LAMP3: variants seen among roughly 807,000 people sequenced by gnomAD.
LAMP3 encodes lysosome associated membrane protein 3, also known as lysosome-associated membrane glycoprotein 3.
LAMP3 carries 26 observed loss-of-function variants against 34.8 expected under a neutral mutation model. That is an observed-to-expected ratio of 0.75 (90% CI 0.55 to 1.04). LAMP3 has a LOEUF of 1.04. Ranked by LOEUF, LAMP3 falls within the 50% of genes least tolerant of loss-of-function variation. LAMP3 has a pLI of 0.00. For missense variants in LAMP3, 495 were observed against 524.0 expected (o/e 0.94, Z 0.54); for synonymous variants, 180 against 201.9 (o/e 0.89, Z 0.92).
chr3:183,139,376 C>T (rs113389121), intron 4 of LAMP3, among the ~76,000 whole-genome samples: 5 of 143,352 alleles, frequency 3.5e-5, no homozygotes, highest in East Asian at 2.0e-4. Flanking sequence ...GGCGACAGAG[C>T]GAGACTGTCT....
chr3:183,151,322 G>A (rs1164429454), intron 3 of LAMP3, among the ~76,000 whole-genome samples: 1 of 152,094 alleles, frequency 6.6e-6, no homozygotes, highest in Non-Finnish European at 1.5e-5. Context: ...GGAGTGGGAT[G>A]ACCAGCCCCC....
At position 183,123,625 on chromosome 3, in the gene LAMP3, A is replaced by G. The variant is rs1719718128; in HGVS notation, c.*456T>C. 1 of 163,148 alleles carries G rather than the reference A, an allele frequency of 6.1e-6. No homozygotes were observed. The highest frequency in any genetic ancestry group is 1.3e-5 in the Non-Finnish European group (1 of 74,526). The allele number at this position is 163,148 out of a possible 1,614,324, so 10.1% of individuals were successfully genotyped here. A position where few individuals can be genotyped will look rare whatever the true frequency, so the allele number is the denominator to read the frequency against. The stretch of plus-strand genomic sequence containing the variant: ...GCTACACCAGGAATATGTATGTTAC[A>G]TGAAACCATAAAACACAGATAGTAA... On this transcript the variant is annotated 3_prime_UTR_variant, in exon 6 of 6. Coordinates refer to ENST00000265598, the MANE Select transcript of LAMP3 (RefSeq NM_014398.4).
At position 183,154,315 on chromosome 3, in the gene LAMP3, T is replaced by A. The variant is rs983131567; in HGVS notation, c.126A>T (p.Ala42=). 6.2e-7 allele frequency: 1 copy of A among 1,613,990 alleles called. No homozygotes were observed. Among genetic ancestry groups the A allele is most frequent in the African/African-American group, 1.3e-5 (1 of 74,904 alleles). The change falls in exon 2 of 6, where the codon GCA becomes GCT. Residue 42 remains alanine (A), a synonymous_variant. Transcript: ENST00000265598. ...GTTTTTTTATGTCCTGTACTGTTGCTGCTGCAGTAGGTTGAGAATAATCTC... is the reference window on the plus strand; with the variant it reads ...GTTTTTTTATGTCCTGTACTGTTGCAGCTGCAGTAGGTTGAGAATAATCTC... ...ETRDYSQPTA[A]ATVQDIKKPV...
At position 183,135,866 on chromosome 3, in the gene LAMP3, T is replaced by G. The variant is rs34675146; in HGVS notation, c.968A>C (p.Lys323Thr). 259 of 1,613,976 alleles carry G rather than the reference T, an allele frequency of 1.6e-4. No individual in the cohort carries two copies. The African/African-American group carries it at 3.0e-3, about 19-fold the overall frequency. The change falls in exon 5 of 6, where the codon AAA becomes ACA. Residue 323 changes from lysine to threonine, a missense_variant. By Grantham distance (78) the Lys-to-Thr change is moderately conservative. Coordinates refer to ENST00000265598, the MANE Select transcript of LAMP3 (RefSeq NM_014398.4). ...TGTCTGGAACATCACCACCGCATGT[T>G]TGATTCCTTGGTAAATTGTCTCTGA... ...SDPETIYQGIKHAVVMFQTAV... is the reference protein window; with the variant it reads ...SDPETIYQGITHAVVMFQTAV...
In LAMP3 at chr3:183,156,946, G is replaced by C. The variant is rs577517694; in HGVS notation, c.50-2555C>G. 2.6e-5 allele frequency among the ~76,000 whole-genome samples: 4 copies of C among 152,316 alleles called. No homozygotes were observed. The South Asian group carries it at 8.3e-4, about 32-fold the overall frequency. The stretch of plus-strand genomic sequence containing the variant: ...AATGGTGAGAGAAGACACAAAAGCA[G>C]AGGAGAGAGGAACAGGAGGGTGCCC... On this transcript the variant is annotated intron_variant, in intron 1 of 5. Coordinates refer to ENST00000265598, the MANE Select transcript of LAMP3 (RefSeq NM_014398.4).
At chr3:183,162,970 CT>C, upstream of LAMP3, 1 of 327,228 alleles carries the variant, frequency 3.1e-6, no homozygotes, top group Non-Finnish European at 5.6e-6. Context: ...TTTTTCTTTT[CT>C]TTTTGAGACG....
In LAMP3 at chr3:183,149,559, AAAAAAAAAAAAAAAAATATATATATATAT is replaced by A. The variant is rs1288132776; in HGVS notation, c.888+2787_888+2815del. Among the ~76,000 whole-genome samples the A allele has an allele frequency of 1.5e-3, 40 of 27,204 alleles. No individual in the cohort carries two copies. In the Middle Eastern group the frequency reaches 0.034, roughly 23 times the overall value. The allele number at this position is 27,204 out of a possible 152,430, so 17.8% of individuals were successfully genotyped here. ...GACTCCAACTCAAAAAAAAAAAAAA[AAAAAAAAAAAAAAAAATATATATATATAT>A]ATATATATATATATATATGTATACA... On this transcript the variant is annotated intron_variant, in intron 3 of 5. Coordinates refer to ENST00000265598, the MANE Select transcript of LAMP3 (RefSeq NM_014398.4).
chr3:183,127,765 G>GGAA (rs1719816591), intron 5 of LAMP3, among the ~76,000 whole-genome samples: 2 of 152,104 alleles, frequency 1.3e-5, no homozygotes, highest in Admixed American at 1.3e-4. Flanking sequence ...AACAATCTTT[G>GGAA]ACCTTGATCC....
intron 5 of LAMP3, among the ~76,000 whole-genome samples, chr3:183,126,055 TG>T (rs1437420732): frequency 6.6e-6 from 1 of 152,172 alleles, no homozygotes; most frequent in Non-Finnish European, 1.5e-5. Flanking sequence ...CAAAATGTAA[TG>T]CACACACCTG....
At chr3:183,144,579 T>C (rs908163644) in intron 3 of LAMP3, among the ~76,000 whole-genome samples, 1 of 152,112 alleles carries the variant, frequency 6.6e-6, no homozygotes, top group Non-Finnish European at 1.5e-5. Context: ...GCATGGAAAG[T>C]ACAGATCACT....
rs1482816724 is a variant in LAMP3, at chr3:183,132,823, G to GCGTT, written c.1117+2890_1117+2893dup. The GCGTT allele has an allele frequency of 3.0e-6, 3 of 985,428 alleles. No homozygotes were observed. In the Admixed American group the frequency reaches 1.8e-4, roughly 61 times the overall value. 61.0% of individuals were successfully genotyped at this position (985,428 alleles called of 1,614,324 possible). A position where few individuals can be genotyped will look rare whatever the true frequency, so the allele number is the denominator to read the frequency against. On this transcript the variant is annotated intron_variant, in intron 5 of 5. Transcript: ENST00000265598. ...TTTTGAAGAAAGTGGGGCTTTACAT[G>GCGTT]CGTTCATATCCTCTACTGGGCCTCT...
chr3:183,131,339 A>G (rs1719912868), intron 5 of LAMP3, among the ~76,000 whole-genome samples: 1 of 152,200 alleles, frequency 6.6e-6, no homozygotes, highest in African/African-American at 2.4e-5. Context: ...GTGAATAAAC[A>G]CCTTGTCCTC....
intron 3 of LAMP3, among the ~76,000 whole-genome samples, chr3:183,145,772 A>C (rs1395584791): frequency 6.6e-6 from 1 of 152,134 alleles, no homozygotes; most frequent in Non-Finnish European, 1.5e-5. Context: ...CAGGAGAATC[A>C]CTTGAACCCA....
intron 2 of LAMP3, 70 bp downstream of exon 2, chr3:183,153,612 C>T (rs1338205367): frequency 3.7e-6 from 4 of 1,075,786 alleles, no homozygotes; most frequent in African/African-American, 1.6e-5. Flanking sequence ...GGGGAATGCT[C>T]ATTCCTAGCA....
At chr3:183,144,967 A>G (rs1720397250) in intron 3 of LAMP3, among the ~76,000 whole-genome samples, 1 of 152,200 alleles carries the variant, frequency 6.6e-6, no homozygotes, top group Admixed American at 6.5e-5. Context: ...CCAGGACCTC[A>G]GTCGGCCAGT....
intron 5 of LAMP3, among the ~76,000 whole-genome samples, chr3:183,130,283 C>A (rs918524429): frequency 1.3e-5 from 2 of 151,434 alleles, no homozygotes; most frequent in Non-Finnish European, 2.9e-5. Flanking sequence ...CTCAGCCTCC[C>A]GAGTAGCTGG....
At chr3:183,126,555 T>A (rs1366103112) in intron 5 of LAMP3, among the ~76,000 whole-genome samples, 1 of 151,906 alleles carries the variant, frequency 6.6e-6, no homozygotes, top group African/African-American at 2.4e-5. Flanking sequence ...TGTGTGTGTG[T>A]GTGTGTGTGC....
At chr3:183,145,413 T>C (rs1720410353) in intron 3 of LAMP3, among the ~76,000 whole-genome samples, 1 of 152,184 alleles carries the variant, frequency 6.6e-6, no homozygotes, top group Non-Finnish European at 1.5e-5. Flanking sequence ...CTCCATCTTA[T>C]AGAAGAGGAA....
intron 5 of LAMP3, among the ~76,000 whole-genome samples, chr3:183,129,469 T>G (rs1222599887): frequency 6.6e-6 from 1 of 152,132 alleles, no homozygotes; most frequent in East Asian, 1.9e-4. Flanking sequence ...CTGTAATGCT[T>G]TAATCATAAG....
Sources: gnomAD v4.1 joint callset for allele counts (sites outside exome capture counted in the v4.1 genomes callset) on GRCh38, gnomAD v4.1.1 for gene constraint, MANE v1.5 for transcripts, NCBI Gene and HGNC (gene_info 2026-07-23, HGNC 2026-07-21) for gene names.